Variants in MED12L observed in about 807,000 individuals in gnomAD.
The protein encoded by MED12L is mediator complex subunit 12L.
A neutral mutation model predicts 281.3 loss-of-function variants in MED12L; 60 were observed. That is an observed-to-expected ratio of 0.21 (90% CI 0.17 to 0.26). MED12L has a LOEUF of 0.26. Ranked by LOEUF, MED12L falls within the 10% of genes least tolerant of loss-of-function variation. MED12L has a pLI of 1.00. For missense variants in MED12L, 2,146 were observed against 2,680.9 expected (o/e 0.80, Z 4.41); for synonymous variants, 974 against 987.2 (o/e 0.99, Z 0.25).
chr3:151,397,818 G>A (rs1349925396), intron 39 of MED12L, among the ~76,000 whole-genome samples: 1 of 152,128 alleles, frequency 6.6e-6, no homozygotes, highest in African/African-American at 2.4e-5. Context: ...AAGTAGATAT[G>A]TTTTTATTCC....
chr3:151,250,686 G>A (rs951130296), intron 16 of MED12L, among the ~76,000 whole-genome samples: 10 of 152,276 alleles, frequency 6.6e-5, no homozygotes, highest in Non-Finnish European at 1.5e-4. Context: ...TCCTTGGGTA[G>A]CATCCACCTT....
chr3:151,348,719 G>GC (rs1199074106), intron 16 of MED12L, among the ~76,000 whole-genome samples: 1 of 152,126 alleles, frequency 6.6e-6, no homozygotes, highest in Admixed American at 6.5e-5. Flanking sequence ...GGAAGCAGTG[G>GC]CAAGTGTGTC....
intron 5 of MED12L, among the ~76,000 whole-genome samples, chr3:151,141,187 G>GTTTTTTTGTTTTTTTTTTTTTTTTTT (rs376743895): frequency 4.0e-5 from 4 of 99,104 alleles, no homozygotes; most frequent in East Asian, 3.6e-4. Context: ...TGTTTTTTTT[G>GTTTTTTTGTTTTTTTTTTTTTTTTTT]TTTTTTTTTT....
intron 5 of MED12L, among the ~76,000 whole-genome samples, chr3:151,130,940 C>T (rs1347974920): frequency 6.6e-6 from 1 of 152,164 alleles, no homozygotes; most frequent in Non-Finnish European, 1.5e-5. Flanking sequence ...AGTGCTGAGT[C>T]TCTGAAGACA....
intron 8 of MED12L, among the ~76,000 whole-genome samples, chr3:151,160,773 A>T (rs924960999): frequency 1.3e-5 from 2 of 152,212 alleles, no homozygotes; most frequent in African/African-American, 4.8e-5. Context: ...ACAGTTTCCA[A>T]ATAATATGAC....
At chr3:151,106,383 A>C (rs1414082383) in intron 2 of MED12L, among the ~76,000 whole-genome samples, 2 of 126,456 alleles carry the variant, frequency 1.6e-5, no homozygotes, top group African/African-American at 6.0e-5. Flanking sequence ...CATGTTGGGC[A>C]GGTTAATATG....
At chr3:151,148,703 AC>A (rs892874378) in intron 5 of MED12L, among the ~76,000 whole-genome samples, 2 of 152,244 alleles carry the variant, frequency 1.3e-5, no homozygotes, top group Admixed American at 6.5e-5. Context: ...TTTAAAAAAA[AC>A]AATCTCTGTT....
intron 16 of MED12L, among the ~76,000 whole-genome samples, chr3:151,224,790 C>A (rs9817216): frequency 0.12 from 18,963 of 152,124 alleles, 1,292 homozygotes; most frequent in Middle Eastern, 0.17. Flanking sequence ...ATCCTATTTC[C>A]TGACCCTCTT....
intron 2 of MED12L, among the ~76,000 whole-genome samples, chr3:151,106,248 T>C (rs1188936767): frequency 6.9e-6 from 1 of 144,886 alleles, no homozygotes; most frequent in Non-Finnish European, 1.5e-5. Context: ...TTTCCTTTCC[T>C]TTCCTTTTCC....
intron 5 of MED12L, among the ~76,000 whole-genome samples, chr3:151,151,851 C>G (rs1250206952): frequency 6.6e-6 from 1 of 152,042 alleles, no homozygotes; most frequent in African/African-American, 2.4e-5. Flanking sequence ...GAAAATGATG[C>G]CACAAACCTT....
At position 151,383,860 on chromosome 3, in the gene MED12L, T is replaced by G. The variant is rs766090083; in HGVS notation, c.4762T>G (p.Ser1588Ala). 14 of 1,613,736 alleles carry G rather than the reference T, an allele frequency of 8.7e-6. No homozygotes were observed. Among genetic ancestry groups the G allele is most frequent in the Non-Finnish European group, 1.2e-5 (14 of 1,179,798 alleles). ...WALLLLQIIT[S>A]GTVDMHTNNE... is the part of the protein sequence containing the mutation. ...CCTGCTACTCCTTCAGATCATTACT[T>G]CAGGAACTGTTGACATGCACACTAA... The change falls in exon 34 of 45, where the codon TCA becomes GCA. Residue 1588 changes from serine (S) to alanine (A), a missense_variant. Ser to Ala is a moderately conservative substitution (Grantham distance 99, BLOSUM62 1). Around this residue, in one of 9 missense-constraint regions of MED12L, gnomAD observed 212 missense variants for 340.8 expected, o/e 0.62. Transcript: ENST00000687756.
chr3:151,224,226 G>T (rs1034341384), intron 16 of MED12L, among the ~76,000 whole-genome samples: 21 of 152,002 alleles, frequency 1.4e-4, no homozygotes, highest in Non-Finnish European at 2.6e-4. Flanking sequence ...TTCTTATAAA[G>T]GTACAACTTT....
chr3:151,376,257 T>A (rs746293376), intron 28 of MED12L, 43 bp downstream of exon 28: 2 of 1,331,772 alleles, frequency 1.5e-6, no homozygotes, highest in Admixed American at 5.6e-5. Context: ...TGATAAATTC[T>A]TCGTAATAAT....
intron 38 of MED12L, 35 bp downstream of exon 38, chr3:151,390,170 G>A: frequency 6.2e-7 from 1 of 1,603,986 alleles, no homozygotes; most frequent in Non-Finnish European, 8.5e-7. Context: ...ACTCAGAGAT[G>A]AGAAACAGCT....
intron 2 of MED12L, among the ~76,000 whole-genome samples, chr3:151,110,403 A>C (rs1711680589): frequency 6.6e-6 from 1 of 152,178 alleles, no homozygotes; most frequent in African/African-American, 2.4e-5. Context: ...GTTTTCCTCT[A>C]AAAGGGGTCT....
At chr3:151,110,732 TG>T in intron 2 of MED12L, among the ~76,000 whole-genome samples, 1 of 152,294 alleles carries the variant, frequency 6.6e-6, no homozygotes, top group South Asian at 2.1e-4. Flanking sequence ...TTTATACGCT[TG>T]GTTCCTTCCT....
intron 14 of MED12L, among the ~76,000 whole-genome samples, chr3:151,191,208 T>C (rs1183285153): frequency 2.0e-5 from 3 of 152,252 alleles, no homozygotes; most frequent in Non-Finnish European, 4.4e-5. Flanking sequence ...CTTTCAGTTC[T>C]AGATGTTTCT....
At chr3:151,193,965 C>CT (rs34461662) in intron 16 of MED12L, among the ~76,000 whole-genome samples, 59,678 of 123,482 alleles carry the variant, frequency 0.48, 16,892 homozygotes, top group South Asian at 0.64. Context: ...TTTTTCTTTT[C>CT]TTTTTTTTTT....
At chr3:151,295,174 G>A (rs778372409) in intron 16 of MED12L, 42 of 1,611,472 alleles carry the variant, frequency 2.6e-5, no homozygotes, top group Non-Finnish European at 3.5e-5. Context: ...CGCTCCTGTT[G>A]CCTGAATTGT....
Sources: allele counts gnomAD v4.1 joint callset (sites outside exome capture counted in the v4.1 genomes callset), GRCh38; gene constraint gnomAD v4.1.1; regional missense constraint gnomAD v4.1.1; transcripts MANE v1.5; gene names NCBI Gene and HGNC (gene_info 2026-07-23, HGNC 2026-07-21).